The following RNF217 variants were observed in gnomAD, a reference collection of about 807,000 sequenced individuals.
RNF217 encodes the protein ring finger protein 217.
RNF217 carries 31 observed loss-of-function variants against 57.8 expected under a neutral mutation model. The ratio of observed to expected loss-of-function variants is 0.54; its 90% CI spans 0.40 to 0.72. The LOEUF (loss-of-function observed/expected upper bound fraction) is 0.72. Among genes scored for constraint, RNF217 ranks in the 30% least tolerant of loss-of-function variants. RNF217 has a pLI of 0.00. For missense variants in RNF217, 696 were observed against 708.3 expected (o/e 0.98, Z 0.20); for synonymous variants, 313 against 294.0 (o/e 1.06, Z -0.66).
chr6:125,020,308 C>T (rs1785788880), intron 1 of RNF217, among the ~76,000 whole-genome samples: 1 of 152,128 alleles, frequency 6.6e-6, no homozygotes, highest in African/African-American at 2.4e-5. Flanking sequence ...GTGGTATGTG[C>T]CTATGAGAAG....
At chr6:125,021,448 G>C (rs993386511) in intron 1 of RNF217, among the ~76,000 whole-genome samples, 2 of 151,874 alleles carry the variant, frequency 1.3e-5, no homozygotes, top group Non-Finnish European at 2.9e-5. Context: ...TGTATTTTTA[G>C]TAGAGACGGG....
rs1447196512 is a variant in RNF217, at chr6:124,963,349, G to A, written c.805G>A (p.Asp269Asn). The A allele has an allele frequency of 6.5e-6, 10 of 1,533,110 alleles. No individual in the cohort carries two copies. In the East Asian group the frequency reaches 2.0e-4, roughly 30 times the overall value. 95.0% of individuals were successfully genotyped at this position (1,533,110 alleles called of 1,614,324 possible). A position where few individuals can be genotyped will look rare whatever the true frequency, so the allele number is the denominator to read the frequency against. The change falls in exon 1 of 6, where the codon GAC (aspartate) becomes AAC (asparagine). Residue 269 changes from aspartate to asparagine, a missense_variant. Transcript: ENST00000521654. ...GCTGATGTGCCGGGTGTGCCTGGAA[G>A]ACAAGCCCATCAAGCCCCTGCCTTG... The part of the protein sequence containing the change: ...MVLMCRVCLE[D>N]KPIKPLPCCK...
intron 1 of RNF217, among the ~76,000 whole-genome samples, chr6:125,012,780 T>C (rs1005512961): frequency 6.6e-6 from 1 of 152,180 alleles, no homozygotes; most frequent in African/African-American, 2.4e-5. Flanking sequence ...TTTGATTTGA[T>C]TTTTGGCTTT....
intron 1 of RNF217, among the ~76,000 whole-genome samples, chr6:125,004,708 G>A (rs73770789): frequency 0.076 from 11,588 of 152,198 alleles, 1,538 homozygotes; most frequent in African/African-American, 0.27. Flanking sequence ...AATTATAAAT[G>A]CCTAAATATA....
chr6:124,963,179 C>CA lies in RNF217; in HGVS notation c.637dup (p.Thr213AsnfsTer99). ...TTCCCCAGCCCCCGACTGTCCCTCC[C>CA]AACGGATTCCCTCTCCCCCGACGGC... On this transcript the variant is annotated frameshift_variant, in exon 1 of 6. Transcript: ENST00000521654. LOFTEE classifies it high-confidence loss of function. 6.5e-7 allele frequency: 1 copy of CA among 1,536,024 alleles called. No homozygotes were observed. Among genetic ancestry groups the CA allele is most frequent in the Non-Finnish European group, 8.7e-7 (1 of 1,146,874 alleles).
intron 2 of RNF217, among the ~76,000 whole-genome samples, chr6:125,053,181 T>C (rs1787392105): frequency 6.6e-6 from 1 of 152,234 alleles, no homozygotes; most frequent in Middle Eastern, 3.4e-3. Flanking sequence ...GAAGCCTCTT[T>C]CCATGGCACT....
intron 1 of RNF217, among the ~76,000 whole-genome samples, chr6:124,998,393 C>T (rs765334754): frequency 5.3e-5 from 8 of 152,182 alleles, no homozygotes; most frequent in Non-Finnish European, 1.0e-4. Context: ...CCTAAAGCCT[C>T]ATGTAAATCT....
At chr6:124,979,164 G>A (rs1240364966) in intron 1 of RNF217, among the ~76,000 whole-genome samples, 2 of 152,152 alleles carry the variant, frequency 1.3e-5, no homozygotes, top group Admixed American at 1.3e-4. Context: ...TTTCACCAAG[G>A]ACCTGACCCT....
At chr6:125,075,414 T>G (rs753376977) in intron 3 of RNF217, among the ~76,000 whole-genome samples, 1 of 152,140 alleles carries the variant, frequency 6.6e-6, no homozygotes, top group Non-Finnish European at 1.5e-5. Flanking sequence ...TCCGCATGCC[T>G]GGGGAGGCCT....
Position 125,076,844 on chromosome 6 carries a change from G to C in RNF217, c.1469G>C (p.Arg490Pro). The change falls in exon 4 of 6, where the codon CGA becomes CCA. Residue 490 changes from arginine to proline, a missense_variant. By Grantham distance (103) the Arg-to-Pro change is moderately radical. Around this residue, in one of 2 missense-constraint regions of RNF217, gnomAD observed 231 missense variants for 321.4 expected, o/e 0.72. Transcript: ENST00000521654. ...PERPHLRRLV[R>P]GSVCAGKLFI... ...AGACCTCATTTAAGGAGATTAGTGC[G>C]AGGGTCAGTCTGTGGTGAGTGTCTG... is the stretch of plus-strand genomic sequence containing the variant. The C allele has an allele frequency of 2.5e-6, 4 of 1,613,268 alleles. No homozygotes were observed. Among genetic ancestry groups the C allele is most frequent in the Non-Finnish European group, 3.4e-6 (4 of 1,179,454 alleles).
intron 1 of RNF217, among the ~76,000 whole-genome samples, chr6:124,984,555 A>AG (rs565091399): frequency 0.24 from 36,278 of 151,052 alleles, 4,859 homozygotes; most frequent in East Asian, 0.4. Context: ...AAAAAAAAAA[A>AG]AAAAAAGAAA....
intron 1 of RNF217, among the ~76,000 whole-genome samples, chr6:124,991,742 TATAA>T (rs1784570114): frequency 1.3e-5 from 2 of 152,212 alleles, no homozygotes; most frequent in African/African-American, 2.4e-5. Flanking sequence ...GATTTTATGT[TATAA>T]ATAGTTTCTA....
At chr6:125,055,262 T>A (rs901936513) in intron 2 of RNF217, among the ~76,000 whole-genome samples, 1 of 152,176 alleles carries the variant, frequency 6.6e-6, no homozygotes, top group Admixed American at 6.6e-5. Flanking sequence ...TTATTTGTAT[T>A]CACTTGAGAG....
At chr6:124,997,271 C>T (rs542925129) in intron 1 of RNF217, among the ~76,000 whole-genome samples, 5 of 152,244 alleles carry the variant, frequency 3.3e-5, no homozygotes, top group South Asian at 4.1e-4. Context: ...CTTCACTACT[C>T]GCATGTTCCC....
chr6:125,047,403 C>A (rs1787138776), intron 2 of RNF217, among the ~76,000 whole-genome samples: 1 of 151,994 alleles, frequency 6.6e-6, no homozygotes, highest in African/African-American at 2.4e-5. Context: ...TCACAATACA[C>A]ATGTATTGAG....
At position 124,980,215 on chromosome 6, in the gene RNF217, A is replaced by G. The variant is rs191438053; in HGVS notation, c.882+16789A>G. Among the ~76,000 whole-genome samples the G allele has an allele frequency of 7.2e-4, 110 of 152,360 alleles. 1 individual carries two copies. The East Asian group carries it at 0.02, about 27-fold the overall frequency. On this transcript the variant is annotated intron_variant, in intron 1 of 5. Transcript: ENST00000521654. ...GGAAACATCTTTTGCGAAGATGTCCATAATTATTTCACTGATTGTCAGAAT... is the reference window on the plus strand; with the variant it reads ...GGAAACATCTTTTGCGAAGATGTCCGTAATTATTTCACTGATTGTCAGAAT...
chr6:125,068,274 G>C (rs185574004), intron 3 of RNF217, among the ~76,000 whole-genome samples: 1 of 152,042 alleles, frequency 6.6e-6, no homozygotes, highest in South Asian at 2.1e-4. Flanking sequence ...CTAGTGCAGG[G>C]TGCTTCTCAA....
At chr6:125,073,681 A>C (rs763021684) in intron 3 of RNF217, among the ~76,000 whole-genome samples, 6 of 152,006 alleles carry the variant, frequency 3.9e-5, no homozygotes, top group South Asian at 2.1e-4. Context: ...CTAGGAAAGC[A>C]CTCTCTAGTC....
rs1283769174 is a variant in RNF217, at chr6:125,088,371, A to G, written c.*5434A>G. ...ACTCCTTTGAAACTCTGATTTTGAA[A>G]ATAGAACAAATACACATTTCATAGC... On this transcript the variant is annotated 3_prime_UTR_variant, in exon 6 of 6. Transcript: ENST00000521654. The G allele has an allele frequency of 6.6e-6, 1 of 152,172 alleles. No homozygotes were observed. The highest frequency in any genetic ancestry group is 2.4e-5 in the African/African-American group (1 of 41,444). 9.4% of individuals were successfully genotyped at this position (152,172 alleles called of 1,614,324 possible).
Sources: gnomAD v4.1 joint callset for allele counts (sites outside exome capture counted in the v4.1 genomes callset) on GRCh38, gnomAD v4.1.1 for gene constraint, gnomAD v4.1.1 regional missense constraint, MANE v1.5 for transcripts, NCBI Gene and HGNC (gene_info 2026-07-23, HGNC 2026-07-21) for gene names.